Variants in MGAM2 observed in about 807,000 individuals in gnomAD.
MGAM2 encodes probable maltase-glucoamylase 2.
Under a neutral mutation model 96.1 loss-of-function variants are expected in MGAM2, and 98 were observed. The observed-to-expected ratio is 1.02, with a 90% CI of 0.87 to 1.21. MGAM2 has a LOEUF of 1.21. MGAM2 is among the 50% of genes most tolerant of loss of function. The probability of loss-of-function intolerance (pLI) is 0.00; values close to 1 mark genes in which losing one functional copy is unlikely to be tolerated. For synonymous variants in MGAM2, 749 were observed against 414.8 expected, an observed-to-expected ratio of 1.81 and a Z score of -9.79; for missense variants, 2,055 against 1,182.4, an observed-to-expected ratio of 1.74 and a Z score of -10.82.
Position 142,198,209 on chromosome 7 carries a change from T to C in MGAM2, c.4923+14T>C. ...GACTATAGCACGGTAAGAACTAATA[T>C]ATTTGTGAAGAACCAGTTTGGTCTA... On this transcript the variant is annotated intron_variant, in intron 43 of 47. Coordinates refer to ENST00000477922, the MANE Select transcript of MGAM2 (RefSeq NM_001293626.2). The C allele has an allele frequency of 1.4e-6, 1 of 702,064 alleles. No individual in the cohort carries two copies. The highest frequency in any genetic ancestry group is 2.7e-5 in the East Asian group (1 of 37,272). 43.5% of individuals were successfully genotyped at this position (702,064 alleles called of 1,614,324 possible). A position where few individuals can be genotyped will look rare whatever the true frequency, so the allele number is the denominator to read the frequency against.
At chr7:142,136,463 G>A (rs1385465637) in intron 7 of MGAM2, 78 bp from the exon 8 acceptor site, 1 of 519,692 alleles carries the variant, frequency 1.9e-6, no homozygotes, top group Non-Finnish European at 3.4e-6. Flanking sequence ...GTTATAGATG[G>A]CTTTTGAATT....
At chr7:142,149,617 T>C (rs1399281757) in intron 15 of MGAM2, among the ~76,000 whole-genome samples, 1 of 151,932 alleles carries the variant, frequency 6.6e-6, no homozygotes, top group Non-Finnish European at 1.5e-5. Context: ...CTCGGCTCAC[T>C]GCAAGCTCCG....
rs537771993 is a variant in MGAM2 at position 142,173,543 on chromosome 7, T to C, written c.3687+189T>C. Among the ~76,000 whole-genome samples the C allele has an allele frequency of 2.0e-5, 3 of 152,338 alleles. No homozygotes were observed. In the East Asian group the frequency reaches 5.8e-4, roughly 29 times the overall value. The stretch of plus-strand genomic sequence containing the variant: ...ATTAGAAAATAGGAAAATTACAAGA[T>C]GAAAAAATCCACAAATCTACCTTAC... On this transcript the variant is annotated intron_variant, in intron 31 of 47. Coordinates refer to ENST00000477922, the MANE Select transcript of MGAM2 (RefSeq NM_001293626.2).
At chr7:142,138,482 C>T (rs547854062) in intron 9 of MGAM2, 60 bp from the exon 10 acceptor site, 14 of 666,904 alleles carry the variant, frequency 2.1e-5, no homozygotes, top group Middle Eastern at 2.4e-4. Context: ...GGGAACTTCA[C>T]AGAAAATGAA....
chr7:142,129,370 T>G (rs570896908), intron 3 of MGAM2, among the ~76,000 whole-genome samples: 1 of 152,234 alleles, frequency 6.6e-6, no homozygotes, highest in Admixed American at 6.5e-5. Flanking sequence ...GAGTTAAAAC[T>G]TTAAGGGACT....
At position 142,143,300 on chromosome 7, in the gene MGAM2, G is replaced by C. The variant is rs139763671; in HGVS notation, c.1318-469G>C. ...AGGTAGAATTTAAAAAATGACCTGA[G>C]TAAGAAGCGCAAACTTCATTCAACC... On this transcript the variant is annotated intron_variant, in intron 12 of 47. Transcript: ENST00000477922. Among the ~76,000 whole-genome samples, 587 of 152,226 alleles carry C rather than the reference G, an allele frequency of 3.9e-3. 6 individuals are homozygous for C. The highest frequency in any genetic ancestry group is 0.017 in the Middle Eastern group (5 of 294).
At chr7:142,152,968 C>T (rs958777165) in intron 15 of MGAM2, among the ~76,000 whole-genome samples, 24 of 149,158 alleles carry the variant, frequency 1.6e-4, no homozygotes, top group Non-Finnish European at 3.4e-4. Flanking sequence ...GAATTCTGTG[C>T]TTTTAATTTC....
At chr7:142,123,683 C>A (rs950803940) in intron 3 of MGAM2, among the ~76,000 whole-genome samples, 2 of 151,844 alleles carry the variant, frequency 1.3e-5, no homozygotes, top group African/African-American at 4.8e-5. Context: ...GGATACAAAT[C>A]CTTTGTTAGA....
At position 142,220,978 on chromosome 7, in the gene MGAM2, C is replaced by T. The variant is rs527809104; in HGVS notation, c.6467C>T (p.Thr2156Ile). Residue 2156 changes from threonine to isoleucine, a missense_variant, in exon 48 of 48, where the codon ACT (threonine) becomes ATT (isoleucine). Physicochemically the swap from Thr to Ile is moderately conservative, Grantham distance 89. Transcript: ENST00000477922. ...QTNTTNASTS[T>I]NVANITATSH... ...AATACTACTAATGCTAGCACTAGTA[C>T]TAATGTTGCTAATATAACTGCTACC... 1 of 702,062 alleles carries T rather than the reference C, an allele frequency of 1.4e-6. No individual in the cohort carries two copies. Among genetic ancestry groups the T allele is most frequent in the Admixed American group, 2.0e-5 (1 of 49,914 alleles). 43.5% of individuals were successfully genotyped at this position (702,062 alleles called of 1,614,324 possible).
chr7:142,131,907 T>C, intron 5 of MGAM2, 24 bp from the exon 6 acceptor site: 1 of 696,416 alleles, frequency 1.4e-6, no homozygotes, highest in East Asian at 2.7e-5. Context: ...TCTGCAGTTG[T>C]CCCTTCTGTT....
intron 1 of MGAM2, among the ~76,000 whole-genome samples, chr7:142,114,196 AAGAAAGAAAGAAAGAAAG>A (rs1563242677): frequency 1.5e-5 from 2 of 134,478 alleles, no homozygotes; most frequent in African/African-American, 6.7e-5. Context: ...GAAAGAAAGA[AAGAAAGAAAGAAAGAAAG>A]AGAGAAAGAA....
Position 142,208,593 on chromosome 7 carries a change from T to C in MGAM2, c.5158T>C (p.Tyr1720His). 1.4e-6 allele frequency: 1 copy of C among 702,828 alleles called. No homozygotes were observed. The highest frequency in any genetic ancestry group is 2.6e-6 in the Non-Finnish European group (1 of 384,904). 43.5% of individuals were successfully genotyped at this position (702,828 alleles called of 1,614,324 possible). The part of the protein sequence containing the change: ...QSIDTYENGN[Y>H]FLANFIAAQN... ...TGCAGATACCTATGAAAATGGAAAT[T>C]ATTTTTTGGCAAACTTTATAGCAGC... The change falls in exon 46 of 48, where the codon TAT (tyrosine) becomes CAT (histidine). Residue 1720 changes from tyrosine (Y) to histidine (H), a missense_variant. Coordinates refer to ENST00000477922, the MANE Select transcript of MGAM2 (RefSeq NM_001293626.2).
At chr7:142,181,704 T>C (rs1008289711) in intron 32 of MGAM2, among the ~76,000 whole-genome samples, 4 of 152,348 alleles carry the variant, frequency 2.6e-5, no homozygotes, top group Non-Finnish European at 5.9e-5. Context: ...TCCTCTGTAC[T>C]TGGCAGAGTC....
chr7:142,156,777 A>C (rs954949362), intron 17 of MGAM2, among the ~76,000 whole-genome samples: 2 of 152,232 alleles, frequency 1.3e-5, no homozygotes, highest in African/African-American at 4.8e-5. Context: ...AAAGAAAAAA[A>C]AGTTCAGGTA....
intron 29 of MGAM2, 136 bp downstream of exon 29, chr7:142,172,330 C>T (rs76180009): frequency 1.8e-6 from 1 of 552,468 alleles, no homozygotes; most frequent in Admixed American, 3.0e-5. Context: ...CATTTATTCA[C>T]CTATTTATTC....
At chr7:142,186,244 T>C (rs1024512266) in intron 35 of MGAM2, 121 bp downstream of exon 35, 59 of 616,536 alleles carry the variant, frequency 9.6e-5, no homozygotes, top group Non-Finnish European at 1.6e-4. Flanking sequence ...AGAATCTAGG[T>C]GCTGTTACAG....
intron 44 of MGAM2, 93 bp downstream of exon 44, chr7:142,198,832 G>A (rs922073506): frequency 2.3e-5 from 14 of 612,576 alleles, no homozygotes; most frequent in Admixed American, 1.6e-4. Flanking sequence ...GGGATATGTG[G>A]ATTATAAACT....
chr7:142,113,352 G>C (rs1020277225), intron 1 of MGAM2, among the ~76,000 whole-genome samples: 1 of 151,836 alleles, frequency 6.6e-6, no homozygotes, highest in Non-Finnish European at 1.5e-5. Context: ...AAAGCTAAAG[G>C]GTTTTTGGTT....
rs1796217048 is a variant in MGAM2 at position 142,172,206 on chromosome 7, G to A, written c.3448+12G>A. 4.2e-6 allele frequency: 3 copies of A among 707,168 alleles called. No homozygotes were observed. The highest frequency in any genetic ancestry group is 3.0e-5 in the South Asian group (2 of 67,050). 43.8% of individuals were successfully genotyped at this position (707,168 alleles called of 1,614,324 possible). On this transcript the variant is annotated intron_variant, in intron 29 of 47. Transcript: ENST00000477922. ...TAGCAATGCCATGGGTAAGGCATAGGCACAGCTCCCATGCACCACCAGAAA... is the reference window on the plus strand; with the variant it reads ...TAGCAATGCCATGGGTAAGGCATAGACACAGCTCCCATGCACCACCAGAAA...
Sources: gnomAD v4.1 joint callset for allele counts (sites outside exome capture counted in the v4.1 genomes callset) on GRCh38, gnomAD v4.1.1 for gene constraint, MANE v1.5 for transcripts, NCBI Gene and HGNC (gene_info 2026-07-23, HGNC 2026-07-21) for gene names.